DLG2: variants seen among roughly 807,000 people sequenced by gnomAD.
DLG2 encodes the protein disks large homolog 2.
A neutral mutation model predicts 132.5 loss-of-function variants in DLG2; 45 were observed. The observed-to-expected ratio is 0.34, with a 90% CI of 0.27 to 0.44. The LOEUF is 0.44. Ranked by LOEUF, DLG2 falls within the 20% of genes least tolerant of loss-of-function variation. The probability of loss-of-function intolerance (pLI) is 1.00; values close to 1 mark genes in which losing one functional copy is unlikely to be tolerated. For missense variants in DLG2, 1,045 were observed against 1,196.9 expected (o/e 0.87, Z 1.87); for synonymous variants, 424 against 419.6 (o/e 1.01, Z -0.13).
intron 9 of DLG2, among the ~76,000 whole-genome samples, chr11:84,146,262 C>T (rs2095077407): frequency 8.7e-5 from 1 of 11,492 alleles, no homozygotes; most frequent in African/African-American, 1.4e-4. Context: ...TATCATCTTA[C>T]TCCATGGTGA....
chr11:84,488,543 C>G (rs75245786), intron 7 of DLG2, among the ~76,000 whole-genome samples: 5,218 of 152,148 alleles, frequency 0.034, 222 homozygotes, highest in African/African-American at 0.1. Context: ...TGTATGTATT[C>G]CTATTTAAAC....
intron 6 of DLG2, among the ~76,000 whole-genome samples, chr11:85,029,427 C>T (rs1002567732): frequency 3.9e-5 from 6 of 152,198 alleles, no homozygotes; most frequent in Admixed American, 1.3e-4. Flanking sequence ...AGTGTTCCAA[C>T]CCCTAAGGTG....
At chr11:84,541,982 T>C (rs755471443) in intron 6 of DLG2, among the ~76,000 whole-genome samples, 1 of 152,164 alleles carries the variant, frequency 6.6e-6, no homozygotes, top group Non-Finnish European at 1.5e-5. Flanking sequence ...ATTTGGAAGA[T>C]GGCATTTTGC....
chr11:83,848,839 C>T (rs1044574757), intron 16 of DLG2, among the ~76,000 whole-genome samples: 1 of 152,152 alleles, frequency 6.6e-6, no homozygotes, highest in Non-Finnish European at 1.5e-5. Flanking sequence ...GTGTGTTCTT[C>T]CTCTGTTTGG....
chr11:85,520,575 C>A, intron 3 of DLG2, among the ~76,000 whole-genome samples: 1 of 147,770 alleles, frequency 6.8e-6, no homozygotes. Flanking sequence ...GTAAAAAGAA[C>A]AAAACTGAAG....
intron 10 of DLG2, among the ~76,000 whole-genome samples, chr11:84,098,228 G>A (rs2097193827): frequency 6.6e-6 from 1 of 151,898 alleles, no homozygotes; most frequent in African/African-American, 2.4e-5. Context: ...TAATAGAGAT[G>A]GGGTTTGGCT....
chr11:83,885,706 G>T (rs1018480227), intron 15 of DLG2, among the ~76,000 whole-genome samples: 2 of 152,102 alleles, frequency 1.3e-5, no homozygotes, highest in Non-Finnish European at 2.9e-5. Flanking sequence ...GAGAAAGGTC[G>T]GGTTACCCAC....
At chr11:85,064,559 T>C (rs2064603705) in intron 6 of DLG2, among the ~76,000 whole-genome samples, 1 of 151,746 alleles carries the variant, frequency 6.6e-6, no homozygotes, top group South Asian at 2.1e-4. Context: ...CAAAAGGGAT[T>C]ATACCATCCC....
At chr11:83,575,130 T>G (rs1038685386) in intron 19 of DLG2, among the ~76,000 whole-genome samples, 1 of 152,192 alleles carries the variant, frequency 6.6e-6, no homozygotes, top group Non-Finnish European at 1.5e-5. Context: ...AGAAGGAACT[T>G]CAATTTCTAT....
chr11:85,020,657 A>G (rs1263417940), intron 6 of DLG2: 2 of 406,220 alleles, frequency 4.9e-6, no homozygotes, highest in African/African-American at 4.1e-5. Context: ...AACCTGATAC[A>G]AACAAGAAAT....
At chr11:85,393,390 A>G (rs1421806984) in intron 3 of DLG2, among the ~76,000 whole-genome samples, 1 of 152,126 alleles carries the variant, frequency 6.6e-6, no homozygotes, top group Non-Finnish European at 1.5e-5. Context: ...TAATACAACT[A>G]CTATGGAAAA....
chr11:85,407,106 A>G (rs1471143306), intron 3 of DLG2, among the ~76,000 whole-genome samples: 1 of 151,924 alleles, frequency 6.6e-6, no homozygotes, highest in Non-Finnish European at 1.5e-5. Flanking sequence ...GATTAGAGTG[A>G]GAGAACGAAA....
intron 4 of DLG2, among the ~76,000 whole-genome samples, chr11:85,266,988 G>A (rs576813930): frequency 4.2e-4 from 64 of 152,146 alleles, no homozygotes; most frequent in Middle Eastern, 3.2e-3. Context: ...AAACTCAGTG[G>A]ACTTCCTCTA....
intron 6 of DLG2, among the ~76,000 whole-genome samples, chr11:84,633,511 G>T (rs1392939711): frequency 1.3e-5 from 2 of 151,762 alleles, no homozygotes; most frequent in Admixed American, 1.3e-4. Flanking sequence ...TTTCTTGACT[G>T]CCTCCTCTTC....
intron 9 of DLG2, among the ~76,000 whole-genome samples, chr11:84,162,232 T>C (rs1004429513): frequency 1.3e-4 from 20 of 152,088 alleles, no homozygotes; most frequent in African/African-American, 4.8e-4. Flanking sequence ...AACTAAACAT[T>C]ACCCCAAAAT....
chr11:85,415,376 G>A (rs761425056), intron 3 of DLG2, among the ~76,000 whole-genome samples: 3 of 152,196 alleles, frequency 2.0e-5, no homozygotes, highest in African/African-American at 7.2e-5. Context: ...TTTATACCCA[G>A]TAATGGGACT....
rs376287113 is a variant in DLG2 at position 84,707,177 on chromosome 11, G to A, written c.358-172446C>T. 2.0e-5 allele frequency among the ~76,000 whole-genome samples: 3 copies of A among 151,788 alleles called. No individual in the cohort carries two copies. The East Asian group carries it at 5.8e-4, about 30-fold the overall frequency. On this transcript the variant is annotated intron_variant, in intron 6 of 27. Transcript: ENST00000376104. ...ATATAGCTCCCCAAGCGAACACCTA[G>A]AGTCTGAATACTAGTAGAATGCTGA...
intron 8 of DLG2, among the ~76,000 whole-genome samples, chr11:84,182,629 C>T (rs532590538): frequency 3.3e-5 from 5 of 152,082 alleles, no homozygotes; most frequent in South Asian, 4.1e-4. Context: ...TTCATAGCAT[C>T]GAATGAATGT....
At chr11:83,483,339 A>G (rs1291897890) in intron 22 of DLG2, 2 of 1,523,026 alleles carry the variant, frequency 1.3e-6, no homozygotes, top group Non-Finnish European at 1.8e-6. Context: ...GAGAGGAAGA[A>G]CAGCCACGGA....
Sources: allele counts gnomAD v4.1 joint callset (sites outside exome capture counted in the v4.1 genomes callset), GRCh38; gene constraint gnomAD v4.1.1; transcripts MANE v1.5; gene names NCBI Gene and HGNC (gene_info 2026-07-23, HGNC 2026-07-21).